The following PCDHGA12 variants were observed in gnomAD, a reference collection of about 807,000 sequenced individuals.
PCDHGA12 encodes the protein protocadherin gamma subfamily A, 12.
PCDHGA12 carries 43 observed loss-of-function variants against 61.1 expected under a neutral mutation model. The observed-to-expected ratio is 0.70, with a 90% CI of 0.55 to 0.91. The LOEUF (loss-of-function observed/expected upper bound fraction) is 0.91. Ranked by LOEUF, PCDHGA12 falls within the 40% of genes least tolerant of loss-of-function variation. The pLI is 0.00. For missense variants in PCDHGA12, 1,236 were observed against 1,227.7 expected (o/e 1.01, Z -0.10); for synonymous variants, 520 against 542.9 (o/e 0.96, Z 0.59).
intron 2 of PCDHGA12, among the ~76,000 whole-genome samples, chr5:141,505,007 C>T (rs1210694913): frequency 6.6e-6 from 1 of 152,050 alleles, no homozygotes; most frequent in Non-Finnish European, 1.5e-5. Flanking sequence ...ACTAAAAATA[C>T]AAAAATTAGC....
chr5:141,433,408 A>T lies in PCDHGA12; in HGVS notation c.2424+225A>T, dbSNP rs1052180455. On this transcript the variant is annotated intron_variant, in intron 1 of 3. Coordinates refer to ENST00000252085, the MANE Select transcript of PCDHGA12 (RefSeq NM_003735.3). Reference sequence around the variant, plus strand: ...CTATCTATCTATCTATCTATCTATTACTTTCTTGTACAGACAGGAGTCTCA... The same window carrying T: ...CTATCTATCTATCTATCTATCTATTTCTTTCTTGTACAGACAGGAGTCTCA... 4.2e-3 allele frequency among the ~76,000 whole-genome samples: 537 copies of T among 127,344 alleles called. 4 individuals carry two copies. The highest frequency in any genetic ancestry group is 0.015 in the African/African-American group (523 of 34,010). 83.5% of individuals were successfully genotyped at this position (127,344 alleles called of 152,430 possible). A position where few individuals can be genotyped will look rare whatever the true frequency, so the allele number is the denominator to read the frequency against.
intron 1 of PCDHGA12, among the ~76,000 whole-genome samples, chr5:141,437,922 G>A (rs1039507511): frequency 1.3e-5 from 2 of 152,106 alleles, no homozygotes; most frequent in Admixed American, 6.5e-5. Context: ...ATTTTTAGTA[G>A]AGATGGGGTT....
intron 1 of PCDHGA12, among the ~76,000 whole-genome samples, chr5:141,468,994 T>C (rs2099188173): frequency 6.7e-6 from 1 of 148,824 alleles, no homozygotes; most frequent in Non-Finnish European, 1.5e-5. Context: ...ATTATTGTTT[T>C]TGCTGGGTGC....
chr5:141,465,440 A>T (rs1478987071), intron 1 of PCDHGA12, among the ~76,000 whole-genome samples: 1 of 152,194 alleles, frequency 6.6e-6, no homozygotes, highest in Non-Finnish European at 1.5e-5. Flanking sequence ...CTTAATGATT[A>T]CCCAAGAAAA....
At chr5:141,443,467 C>T (rs2098389901) in intron 1 of PCDHGA12, among the ~76,000 whole-genome samples, 2 of 152,156 alleles carry the variant, frequency 1.3e-5, no homozygotes, top group African/African-American at 4.8e-5. Context: ...GTCTGGGTGA[C>T]AGAATTAGAC....
Position 141,477,914 on chromosome 5 carries a change from G to T in PCDHGA12, c.2425-16893G>T. On this transcript the variant is annotated intron_variant, in intron 1 of 3. Coordinates refer to ENST00000252085, the MANE Select transcript of PCDHGA12 (RefSeq NM_003735.3). The surrounding 1 kb of genome is among the most constrained non-coding windows in gnomAD (Gnocchi z 4.9). ...ACGGGTGGTAGGCTGGGACGCGGAT[G>T]CAGGGCACAATGCCTGGCTCTCCTA... 2 of 1,614,204 alleles carry T rather than the reference G, an allele frequency of 1.2e-6. No homozygotes were observed. The highest frequency in any genetic ancestry group is 1.7e-6 in the Non-Finnish European group (2 of 1,180,044).
chr5:141,470,791 A>G (rs1234712958), intron 1 of PCDHGA12, among the ~76,000 whole-genome samples: 3 of 152,152 alleles, frequency 2.0e-5, no homozygotes, highest in African/African-American at 7.2e-5. Context: ...GGGCTCAAGC[A>G]ATCCTCCCAC....
At position 141,486,609 on chromosome 5, in the gene PCDHGA12, C is replaced by T; in HGVS notation, c.2425-8198C>T. The T allele has an allele frequency of 6.2e-7, 1 of 1,613,568 alleles. No homozygotes were observed. ...GGGGACCTGCTTTGCTCCCTTGCAG[C>T]CTCTGACCCAGACTCTGGCTTGAAT... On this transcript the variant is annotated intron_variant, in intron 1 of 3. Transcript: ENST00000252085. The surrounding 1 kb of genome is among the most constrained non-coding windows in gnomAD (Gnocchi z 5.0).
At chr5:141,471,590 T>C (rs2099260583) in intron 1 of PCDHGA12, 1 of 152,120 alleles carries the variant, frequency 6.6e-6, no homozygotes. Flanking sequence ...AAGTAATTGA[T>C]AGTTTCAAAA....
At chr5:141,484,050 C>T (rs1262678828) in intron 1 of PCDHGA12, among the ~76,000 whole-genome samples, 1 of 151,984 alleles carries the variant, frequency 6.6e-6, no homozygotes, top group Non-Finnish European at 1.5e-5. Flanking sequence ...CAAGAGGTCC[C>T]CTGGGGCTAA....
At chr5:141,478,468 C>A (rs2099457906) in intron 1 of PCDHGA12, 2 of 1,613,800 alleles carry the variant, frequency 1.2e-6, no homozygotes, top group Admixed American at 1.7e-5. Flanking sequence ...CACTGGCCAG[C>A]CGCCAGAACA....
At chr5:141,454,483 C>T (rs1434684795) in intron 1 of PCDHGA12, among the ~76,000 whole-genome samples, 9 of 151,684 alleles carry the variant, frequency 5.9e-5, no homozygotes, top group African/African-American at 9.7e-5. Flanking sequence ...CTCAGCTCAC[C>T]GCAACCTCCA....
At chr5:141,434,199 T>G (rs1406339464) in intron 1 of PCDHGA12, among the ~76,000 whole-genome samples, 1 of 151,914 alleles carries the variant, frequency 6.6e-6, no homozygotes, top group Non-Finnish European at 1.5e-5. Context: ...CCAATGTACT[T>G]ACTTCTGTCA....
chr5:141,486,253 C>G lies in PCDHGA12; in HGVS notation c.2425-8554C>G. On this transcript the variant is annotated intron_variant, in intron 1 of 3. Coordinates refer to ENST00000252085, the MANE Select transcript of PCDHGA12 (RefSeq NM_003735.3). The surrounding 1 kb of genome is among the most constrained non-coding windows in gnomAD (Gnocchi z 5.0). Reference sequence around the variant, plus strand: ...TGACCTCAGAGCTTGGAACCCTCCCCGAGAGTGCAGAACCTGGCACTGTGG... The same window carrying G: ...TGACCTCAGAGCTTGGAACCCTCCCGGAGAGTGCAGAACCTGGCACTGTGG... The G allele has an allele frequency of 6.2e-7, 1 of 1,614,138 alleles. No homozygotes were observed. Among genetic ancestry groups the G allele is most frequent in the East Asian group, 2.2e-5 (1 of 44,866 alleles).
chr5:141,455,492 T>G (rs958076901), intron 1 of PCDHGA12, among the ~76,000 whole-genome samples: 10 of 152,188 alleles, frequency 6.6e-5, no homozygotes, highest in Non-Finnish European at 1.2e-4. Context: ...GGAGGTGATG[T>G]CTGATTTGCA....
chr5:141,476,850 A>C lies in PCDHGA12; in HGVS notation c.2425-17957A>C, dbSNP rs747333239. Reference sequence around the variant, plus strand: ...GCGAATGACAATGCGCCTGTCTTCAACCAGTCCTTGTACCGGGCGCGCGTC... The same window carrying C: ...GCGAATGACAATGCGCCTGTCTTCACCCAGTCCTTGTACCGGGCGCGCGTC... On this transcript the variant is annotated intron_variant, in intron 1 of 3. Transcript: ENST00000252085. The surrounding 1 kb of genome is among the most constrained non-coding windows in gnomAD (Gnocchi z 7.6). The C allele has an allele frequency of 5.6e-6, 9 of 1,613,718 alleles. No individual in the cohort carries two copies. Among genetic ancestry groups the C allele is most frequent in the Non-Finnish European group, 7.6e-6 (9 of 1,180,054 alleles).
chr5:141,433,220 T>A (rs781745522), intron 1 of PCDHGA12, 37 bp downstream of exon 1: 2 of 1,509,720 alleles, frequency 1.3e-6, no homozygotes, highest in Non-Finnish European at 1.8e-6. Flanking sequence ...TTTTTTTTTT[T>A]AATTGCTCTG....
intron 1 of PCDHGA12, chr5:141,478,158 C>G: frequency 6.2e-7 from 1 of 1,614,054 alleles, no homozygotes; most frequent in Non-Finnish European, 8.5e-7. Flanking sequence ...CCCTCTGGCT[C>G]TGCCCCCCGG....
chr5:141,441,627 G>C (rs1239011684), intron 1 of PCDHGA12: 1 of 223,512 alleles, frequency 4.5e-6, no homozygotes, highest in Non-Finnish European at 9.0e-6. Context: ...CAGTGACCTG[G>C]AGCCACAGGC....
Sources: gnomAD v4.1 joint callset for allele counts (sites outside exome capture counted in the v4.1 genomes callset) on GRCh38, gnomAD v4.1.1 for gene constraint, Gnocchi (gnomAD v3.1) non-coding constraint, MANE v1.5 for transcripts, NCBI Gene and HGNC (gene_info 2026-07-23, HGNC 2026-07-21) for gene names.